The following TRIOBP variants were observed in gnomAD, a reference collection of about 807,000 sequenced individuals.
TRIOBP encodes TRIO and F-actin-binding protein.
TRIOBP carries 169 observed loss-of-function variants against 238.8 expected under a neutral mutation model. The ratio of observed to expected loss-of-function variants is 0.71; its 90% confidence interval spans 0.62 to 0.80. TRIOBP has a LOEUF of 0.80. Among genes scored for constraint, TRIOBP ranks in the 30% least tolerant of loss-of-function variants. The probability of loss-of-function intolerance (pLI) is 0.00; values close to 1 mark genes in which losing one functional copy is unlikely to be tolerated. For missense variants in TRIOBP, 2,838 were observed against 3,122.6 expected, an observed-to-expected ratio of 0.91 and a Z score of 2.17; for synonymous variants, 1,150 against 1,274.4, an observed-to-expected ratio of 0.90 and a Z score of 2.08.
In TRIOBP at chr22:37,725,906, G is replaced by A. The variant is rs775664447; in HGVS notation, c.3350G>A (p.Arg1117Gln). 39 of 1,612,990 alleles carry A rather than the reference G, an allele frequency of 2.4e-5. No individual in the cohort carries two copies. The highest frequency in any genetic ancestry group is 3.3e-5 in the Admixed American group (2 of 59,908). ...QLPAPVCIGY[R>Q]DAPRASSPPR... ...CCTGCACCTGTGTGTATTGGGTACCGAGATGCACCCCGGGCCTCCTCCCCA... is the reference window on the plus strand; with the variant it reads ...CCTGCACCTGTGTGTATTGGGTACCAAGATGCACCCCGGGCCTCCTCCCCA... The change falls in exon 7 of 24, where the codon CGA becomes CAA. Residue 1117 changes from arginine (R) to glutamine (Q), a missense_variant. Transcript: ENST00000644935.
intron 15 of TRIOBP, 35 bp downstream of exon 15, chr22:37,755,694 G>A: frequency 3.1e-6 from 5 of 1,597,972 alleles, no homozygotes; most frequent in Non-Finnish European, 4.3e-6. Context: ...CTTGAGGGAG[G>A]CACTTACCCT....
chr22:37,702,526 G>C (rs1159190205), intron 3 of TRIOBP, among the ~76,000 whole-genome samples: 2 of 151,934 alleles, frequency 1.3e-5, no homozygotes, highest in Non-Finnish European at 2.9e-5. Flanking sequence ...TCTATGGAAG[G>C]CTCTGAGCTT....
At chr22:37,758,364 C>T (rs1926057712) in intron 16 of TRIOBP, among the ~76,000 whole-genome samples, 1 of 152,134 alleles carries the variant, frequency 6.6e-6, no homozygotes, top group Non-Finnish European at 1.5e-5. Context: ...CCCTTAGCAG[C>T]CATAGAGAAG....
chr22:37,720,000 CTTTTTTTTTT>C (rs869261824), intron 6 of TRIOBP, among the ~76,000 whole-genome samples: 1 of 54,346 alleles, frequency 1.8e-5, no homozygotes, highest in Non-Finnish European at 3.2e-5. Flanking sequence ...CCCCCCCGCC[CTTTTTTTTTT>C]TTTTTTTTTT....
intron 10 of TRIOBP, among the ~76,000 whole-genome samples, chr22:37,739,732 A>G (rs995185469): frequency 6.6e-6 from 1 of 152,206 alleles, no homozygotes; most frequent in South Asian, 2.1e-4. Context: ...GACAGGGGAC[A>G]CTGGTCGCTA....
chr22:37,705,523 G>A (rs1922893003), intron 3 of TRIOBP, among the ~76,000 whole-genome samples: 1 of 152,122 alleles, frequency 6.6e-6, no homozygotes, highest in South Asian at 2.1e-4. Flanking sequence ...CACTGGCCTT[G>A]TGCGGCTTTG....
chr22:37,718,191 C>A (rs1467489084), intron 6 of TRIOBP, among the ~76,000 whole-genome samples: 3 of 152,234 alleles, frequency 2.0e-5, no homozygotes, highest in East Asian at 1.9e-4. Context: ...ACAAGCGCCG[C>A]GCGCAGCCTC....
rs1924126649 is a variant in TRIOBP, at chr22:37,725,928, C to T, written c.3372C>T (p.Ser1124=). 1 of 1,613,822 alleles carries T rather than the reference C, an allele frequency of 6.2e-7. No homozygotes were observed. The highest frequency in any genetic ancestry group is 8.5e-7 in the Non-Finnish European group (1 of 1,179,972). Residue 1124 remains serine (S), a synonymous_variant, in exon 7 of 24, where the codon TCC becomes TCT. Coordinates refer to ENST00000644935, the MANE Select transcript of TRIOBP (RefSeq NM_001039141.3). Reference sequence around the variant, plus strand: ...ACCGAGATGCACCCCGGGCCTCCTCCCCACCACGCCAGGCCCCAGAGCCTT... The same window carrying T: ...ACCGAGATGCACCCCGGGCCTCCTCTCCACCACGCCAGGCCCCAGAGCCTT... ...IGYRDAPRAS[S]PPRQAPEPSL...
intron 3 of TRIOBP, among the ~76,000 whole-genome samples, chr22:37,705,587 T>C (rs1418189203): frequency 1.3e-5 from 2 of 151,938 alleles, no homozygotes; most frequent in African/African-American, 4.8e-5. Context: ...TGTTTTTGTT[T>C]TTTTTTGAGA....
intron 10 of TRIOBP, 26 bp downstream of exon 10, chr22:37,738,745 A>G: frequency 6.2e-7 from 1 of 1,612,300 alleles, no homozygotes; most frequent in Non-Finnish European, 8.5e-7. Context: ...GTGTGGGTAC[A>G]TACGGTGGGG....
chr22:37,715,150 G>T (rs1017298802), intron 5 of TRIOBP, among the ~76,000 whole-genome samples: 1 of 152,004 alleles, frequency 6.6e-6, no homozygotes, highest in African/African-American at 2.4e-5. Flanking sequence ...GAGTATCTGG[G>T]ATTACAGGCG....
chr22:37,772,700 C>T lies in TRIOBP; in HGVS notation c.7036C>T (p.Leu2346=). The T allele has an allele frequency of 6.2e-7, 1 of 1,614,114 alleles. No homozygotes were observed. Among genetic ancestry groups the T allele is most frequent in the African/African-American group, 1.3e-5 (1 of 75,048 alleles). ...EREIEQLKEH[L]RLAMAALQEK... ...GGAGATCGAGCAGCTGAAGGAGCAC[C>T]TGCGTCTTGCCATGGCCGCCCTCCA... Residue 2346 remains leucine (L), a synonymous_variant, in exon 23 of 24, where the codon CTG becomes TTG. Coordinates refer to ENST00000644935, the MANE Select transcript of TRIOBP (RefSeq NM_001039141.3).
In TRIOBP at chr22:37,726,029, C is replaced by G; in HGVS notation, c.3473C>G (p.Pro1158Arg). 6.2e-7 allele frequency: 1 copy of G among 1,610,696 alleles called. No homozygotes were observed. Residue 1158 changes from proline (P) to arginine (R), a missense_variant, in exon 7 of 24, where the codon CCC becomes CGC. Physicochemically the swap from Pro to Arg is moderately radical, Grantham distance 103. Around this residue, in one of 5 missense-constraint regions of TRIOBP, gnomAD observed 2,096 missense variants for 2,137.4 expected, o/e 0.98. Coordinates refer to ENST00000644935, the MANE Select transcript of TRIOBP (RefSeq NM_001039141.3). ...VPSMDSLHEC[P>R]HIPTPVCIGH... ...TCCATGGACTCTCTGCACGAGTGCCCCCACATCCCCACCCCTGTGTGCATT... is the reference window on the plus strand; with the variant it reads ...TCCATGGACTCTCTGCACGAGTGCCGCCACATCCCCACCCCTGTGTGCATT...
chr22:37,726,979 T>C (rs936771838), intron 7 of TRIOBP, among the ~76,000 whole-genome samples: 1 of 151,778 alleles, frequency 6.6e-6, no homozygotes, highest in Non-Finnish European at 1.5e-5. Context: ...CAATCTCGGC[T>C]CACTGCAACC....
chr22:37,745,858 G>A (rs1185297358), intron 11 of TRIOBP, among the ~76,000 whole-genome samples: 1 of 152,170 alleles, frequency 6.6e-6, no homozygotes, highest in Non-Finnish European at 1.5e-5. Context: ...TCGCTCCGGG[G>A]CCGGGTCGGG....
intron 7 of TRIOBP, among the ~76,000 whole-genome samples, chr22:37,729,756 A>G (rs1924335827): frequency 6.6e-6 from 1 of 152,200 alleles, no homozygotes; most frequent in Non-Finnish European, 1.5e-5. Context: ...CTTTTAGGGA[A>G]GTTTTCATAA....
At position 37,734,882 on chromosome 22, in the gene TRIOBP, C is replaced by G. The variant is rs1403549147; in HGVS notation, c.4546C>G (p.Pro1516Ala). Reference protein sequence around the residue: ...LGKRSPLTSPPENWGGPAESS... With the variant: ...LGKRSPLTSPAENWGGPAESS... ...AAAGAGAAGCCCACTCACGAGCCCC[C>G]CTGAGAACTGGGGAGGCCCCGCAGA... Residue 1516 changes from proline (P) to alanine (A), a missense_variant, in exon 9 of 24, where the codon CCT becomes GCT. Transcript: ENST00000644935. 1 of 1,613,072 alleles carries G rather than the reference C, an allele frequency of 6.2e-7. No homozygotes were observed. The highest frequency in any genetic ancestry group is 1.7e-5 in the Admixed American group (1 of 60,004).
intron 19 of TRIOBP, 113 bp downstream of exon 19, chr22:37,768,289 C>G (rs1015364019): frequency 3.5e-6 from 3 of 865,142 alleles, no homozygotes; most frequent in Non-Finnish European, 3.8e-6. Flanking sequence ...GATTCCTGCT[C>G]CAGTCTCATG....
intron 8 of TRIOBP, among the ~76,000 whole-genome samples, chr22:37,734,175 G>C (rs568468352): frequency 6.6e-6 from 1 of 152,214 alleles, no homozygotes; most frequent in African/African-American, 2.4e-5. Context: ...AGCCAAGAAC[G>C]GGGGCAGGTC....
Sources: gnomAD v4.1 joint callset for allele counts (sites outside exome capture counted in the v4.1 genomes callset) on GRCh38, gnomAD v4.1.1 for gene constraint, gnomAD v4.1.1 regional missense constraint, MANE v1.5 for transcripts, NCBI Gene and HGNC (gene_info 2026-07-23, HGNC 2026-07-21) for gene names.